Variants in SAR1A observed in about 807,000 individuals in gnomAD.
SAR1A encodes the protein small COPII coat GTPase SAR1A.
SAR1A carries 6 observed loss-of-function variants against 22.6 expected under a neutral mutation model. The ratio of observed to expected loss-of-function variants is 0.27; its 90% CI spans 0.15 to 0.52. The LOEUF is 0.52. SAR1A is among the 20% of genes least tolerant of loss of function. SAR1A has a pLI of 0.96. For missense variants in SAR1A, 145 were observed against 245.1 expected, an observed-to-expected ratio of 0.59 and a Z score of 2.73; for synonymous variants, 70 against 82.2, an observed-to-expected ratio of 0.85 and a Z score of 0.80.
In SAR1A at chr10:70,152,272, C is replaced by T; in HGVS notation, c.*204G>A. The T allele has an allele frequency of 1.0e-6, 1 of 980,842 alleles. No homozygotes were observed. Among genetic ancestry groups the T allele is most frequent in the Non-Finnish European group, 1.5e-6 (1 of 662,582 alleles). 60.8% of individuals were successfully genotyped at this position (980,842 alleles called of 1,614,324 possible). A position where few individuals can be genotyped will look rare whatever the true frequency, so the allele number is the denominator to read the frequency against. Reference sequence around the variant, plus strand: ...GTCCCAGGATACTGACCTGCACCAGCACGTGGGGCAGCATTACCTCCCAAC... The same window carrying T: ...GTCCCAGGATACTGACCTGCACCAGTACGTGGGGCAGCATTACCTCCCAAC... On this transcript the variant is annotated 3_prime_UTR_variant, in exon 7 of 7. Transcript: ENST00000373241.
intron 5 of SAR1A, among the ~76,000 whole-genome samples, chr10:70,155,768 G>A (rs1839380342): frequency 6.6e-6 from 1 of 152,132 alleles, no homozygotes; most frequent in Non-Finnish European, 1.5e-5. Context: ...TTGAGGAGAG[G>A]TACAGGTGAA....
At position 70,149,066 on chromosome 10, in the gene SAR1A, G is replaced by GA. The variant is rs1468645617; in HGVS notation, c.*3409dup. On this transcript the variant is annotated 3_prime_UTR_variant, in exon 7 of 7. Transcript: ENST00000373241. ...CATGGCATCCTTTCACAGTAACAAG[G>GA]ACAACAGGACACCTCCAGTACTTTT... 1 of 152,152 alleles carries GA rather than the reference G, an allele frequency of 6.6e-6. No individual in the cohort carries two copies. The allele number at this position is 152,152 out of a possible 1,614,324, so 9.4% of individuals were successfully genotyped here. A position where few individuals can be genotyped will look rare whatever the true frequency, so the allele number is the denominator to read the frequency against.
chr10:70,163,739 C>A, intron 1 of SAR1A: 1 of 916,840 alleles, frequency 1.1e-6, no homozygotes, highest in Non-Finnish European at 1.8e-6. Context: ...AGTTTTTTCA[C>A]TATTTGACAA....
intron 1 of SAR1A, among the ~76,000 whole-genome samples, chr10:70,166,135 T>C (rs1051127070): frequency 6.6e-6 from 1 of 152,242 alleles, no homozygotes; most frequent in African/African-American, 2.4e-5. Flanking sequence ...CAGTATAGTG[T>C]AAACGTAACT....
intron 1 of SAR1A, among the ~76,000 whole-genome samples, chr10:70,162,222 C>T (rs922869281): frequency 1.3e-5 from 2 of 151,340 alleles, no homozygotes; most frequent in African/African-American, 4.9e-5. Flanking sequence ...CACCAAGAGT[C>T]CCAGCTACTC....
intron 1 of SAR1A, chr10:70,163,177 A>G (rs1162581376): frequency 6.6e-6 from 1 of 152,440 alleles, no homozygotes; most frequent in Non-Finnish European, 1.5e-5. Context: ...AAGAAAATTA[A>G]AAGTGCTACT....
At chr10:70,163,459 G>A (rs1423984473) in intron 1 of SAR1A, among the ~76,000 whole-genome samples, 1 of 152,154 alleles carries the variant, frequency 6.6e-6, no homozygotes, top group Non-Finnish European at 1.5e-5. Context: ...CTCTTGTTAT[G>A]GGCTAATGCA....
At chr10:70,153,738 G>A (rs1589873420) in intron 6 of SAR1A, 100 bp downstream of exon 6, 1 of 995,276 alleles carries the variant, frequency 1.0e-6, no homozygotes, top group East Asian at 2.8e-5. Context: ...TCCTAAGCCT[G>A]TTTAAGCCTT....
intron 5 of SAR1A, among the ~76,000 whole-genome samples, chr10:70,157,395 C>G (rs1038834534): frequency 3.9e-5 from 5 of 129,236 alleles, no homozygotes; most frequent in Non-Finnish European, 7.8e-5. Context: ...CAGAGCAAGA[C>G]TCCGTCAAAA....
intron 3 of SAR1A, 54 bp downstream of exon 3, chr10:70,161,565 C>T (rs745341893): frequency 1.0e-4 from 164 of 1,600,286 alleles, no homozygotes; most frequent in African/African-American, 1.9e-4. Context: ...TCATCCTCCA[C>T]GCCTAACACT....
At position 70,151,773 on chromosome 10, in the gene SAR1A, C is replaced by T. The variant is rs1839329603; in HGVS notation, c.*703G>A. On this transcript the variant is annotated 3_prime_UTR_variant, in exon 7 of 7. Transcript: ENST00000373241. ...CTATAATTAACTCCTCCACAGTGAACAATCTGCTACACATTCCTTGATGAG... is the reference window on the plus strand; with the variant it reads ...CTATAATTAACTCCTCCACAGTGAATAATCTGCTACACATTCCTTGATGAG... 1.3e-5 allele frequency: 2 copies of T among 152,570 alleles called. No individual in the cohort carries two copies. The highest frequency in any genetic ancestry group is 2.9e-5 in the Non-Finnish European group (2 of 68,136). The allele number at this position is 152,570 out of a possible 1,614,324, so 9.5% of individuals were successfully genotyped here.
chr10:70,154,467 T>C (rs896798201), intron 5 of SAR1A, among the ~76,000 whole-genome samples: 4 of 150,014 alleles, frequency 2.7e-5, no homozygotes, highest in Admixed American at 2.7e-4. Flanking sequence ...CACATTCCTG[T>C]CCTCAAAAAA....
chr10:70,169,150 C>T (rs1329744179), intron 1 of SAR1A, among the ~76,000 whole-genome samples: 2 of 152,092 alleles, frequency 1.3e-5, no homozygotes, highest in Admixed American at 6.5e-5. Context: ...TCCTTTAAGA[C>T]GGCTCAGTTG....
intron 4 of SAR1A, among the ~76,000 whole-genome samples, chr10:70,160,283 T>C (rs1021208576): frequency 1.3e-5 from 2 of 152,154 alleles, no homozygotes; most frequent in Non-Finnish European, 2.9e-5. Context: ...AGGAAATATC[T>C]TTGTTCTTAG....
In SAR1A at chr10:70,150,991, A is replaced by G. The variant is rs182319933; in HGVS notation, c.*1485T>C. ...CCCAACTTTTCATCTCCTATCTCCA[A>G]TCTGTTCATAGGAGATATATCTTTT... On this transcript the variant is annotated 3_prime_UTR_variant, in exon 7 of 7. Transcript: ENST00000373241. 4 of 152,280 alleles carry G rather than the reference A, an allele frequency of 2.6e-5. No individual in the cohort carries two copies. The highest frequency in any genetic ancestry group is 9.6e-5 in the African/African-American group (4 of 41,560). 9.4% of individuals were successfully genotyped at this position (152,280 alleles called of 1,614,324 possible).
At chr10:70,159,793 CCTATACCTACGGTCTTGTCAAATGTGAA>C (rs1281731504) in intron 4 of SAR1A, among the ~76,000 whole-genome samples, 9 of 152,176 alleles carry the variant, frequency 5.9e-5, no homozygotes, top group African/African-American at 2.2e-4. Context: ...ATGTTTTACT[CCTATACCTACGGTCTTGTCAAATGTGAA>C]CTGAGTGCCC....
At chr10:70,156,619 G>A (rs929474874) in intron 5 of SAR1A, among the ~76,000 whole-genome samples, 3 of 150,836 alleles carry the variant, frequency 2.0e-5, no homozygotes, top group African/African-American at 7.3e-5. Flanking sequence ...GTTACAGTGA[G>A]CCGTGATTGC....
At chr10:70,167,166 C>A (rs1042086691) in intron 1 of SAR1A, among the ~76,000 whole-genome samples, 1 of 151,974 alleles carries the variant, frequency 6.6e-6, no homozygotes, top group African/African-American at 2.4e-5. Context: ...AGCAAAATGA[C>A]CTCTGAATGA....
Position 70,152,437 on chromosome 10 carries a change from C to A in SAR1A, c.*39G>T. ...TGAGGAAGCTGTGAATAGGATCAGT[C>A]CAGAGAAGTAAAACTCTTTTATTTT... On this transcript the variant is annotated 3_prime_UTR_variant, in exon 7 of 7. Coordinates refer to ENST00000373241, the MANE Select transcript of SAR1A (RefSeq NM_020150.5). The A allele has an allele frequency of 7.0e-7, 1 of 1,434,158 alleles. No homozygotes were observed. The highest frequency in any genetic ancestry group is 1.1e-5 in the South Asian group (1 of 87,408). 88.8% of individuals were successfully genotyped at this position (1,434,158 alleles called of 1,614,324 possible).
Sources: gnomAD v4.1 joint callset for allele counts (sites outside exome capture counted in the v4.1 genomes callset) on GRCh38, gnomAD v4.1.1 for gene constraint, MANE v1.5 for transcripts, NCBI Gene and HGNC (gene_info 2026-07-23, HGNC 2026-07-21) for gene names.